The following RIOK2 variants were observed in gnomAD, a reference collection of about 807,000 sequenced individuals.
The protein encoded by RIOK2 is serine/threonine-protein kinase RIO2.
In RIOK2, 46 loss-of-function variants were observed where a neutral mutation model predicts 62.4. That is an observed-to-expected ratio of 0.74 (90% CI 0.58 to 0.94). RIOK2 has a LOEUF of 0.94. RIOK2 is among the 40% of genes least tolerant of loss of function. The pLI, the probability that RIOK2 is intolerant of heterozygous loss-of-function variation, is 0.00. For synonymous variants in RIOK2, 197 were observed against 216.0 expected, an observed-to-expected ratio of 0.91 and a Z score of 0.77; for missense variants, 574 against 658.0, an observed-to-expected ratio of 0.87 and a Z score of 1.40.
chr5:97,179,015 A>G lies in RIOK2; in HGVS notation c.205+40T>C, dbSNP rs1749259335. On this transcript the variant is annotated intron_variant, in intron 2 of 9. Coordinates refer to ENST00000283109, the MANE Select transcript of RIOK2 (RefSeq NM_018343.3). ...GGAACACTTGCTCTGGTGGAAACCAATTACCTGAAAAATCACAAATGGTGC... is the reference window on the plus strand; with the variant it reads ...GGAACACTTGCTCTGGTGGAAACCAGTTACCTGAAAAATCACAAATGGTGC... The G allele has an allele frequency of 9.3e-6, 15 of 1,612,494 alleles. No homozygotes were observed. The South Asian group carries it at 9.9e-5, about 11-fold the overall frequency.
At chr5:97,182,163 G>A (rs1195849353) in intron 1 of RIOK2, among the ~76,000 whole-genome samples, 1 of 151,596 alleles carries the variant, frequency 6.6e-6, no homozygotes, top group Non-Finnish European at 1.5e-5. Flanking sequence ...TAATTTCTGT[G>A]CCATAAGACT....
rs1554083518 is a variant in RIOK2, at chr5:97,179,993, A to ATATAT, written c.67-805_67-801dup. Among the ~76,000 whole-genome samples the ATATAT allele has an allele frequency of 3.3e-3, 158 of 48,186 alleles. 10 individuals carry two copies. The highest frequency in any genetic ancestry group is 0.015 in the African/African-American group (148 of 9,968). The allele number at this position is 48,186 out of a possible 152,430, so 31.6% of individuals were successfully genotyped here. ...TATATATATAATATATATATATAAA[A>ATATAT]TATATATATATTATATATATATAAT... On this transcript the variant is annotated intron_variant, in intron 1 of 9. Coordinates refer to ENST00000283109, the MANE Select transcript of RIOK2 (RefSeq NM_018343.3).
chr5:97,170,695 G>A (rs1748979070), intron 6 of RIOK2, among the ~76,000 whole-genome samples: 1 of 152,100 alleles, frequency 6.6e-6, no homozygotes, highest in Non-Finnish European at 1.5e-5. Flanking sequence ...AAATTCTTAT[G>A]GGGAAAACTC....
chr5:97,171,172 A>G, intron 6 of RIOK2, 34 bp downstream of exon 6: 2 of 1,325,848 alleles, frequency 1.5e-6, no homozygotes, highest in Non-Finnish European at 9.8e-7. Context: ...AAAAAATAAA[A>G]TAAAATAAAA....
chr5:97,165,995 A>T (rs1748833896), intron 8 of RIOK2, among the ~76,000 whole-genome samples: 1 of 152,220 alleles, frequency 6.6e-6, no homozygotes, highest in African/African-American at 2.4e-5. Context: ...GATGAGAACA[A>T]AAAGGCAAAG....
chr5:97,177,180 C>T lies in RIOK2; in HGVS notation c.434G>A (p.Arg145Lys), dbSNP rs145124399. 18 of 1,613,148 alleles carry T rather than the reference C, an allele frequency of 1.1e-5. No individual in the cohort carries two copies. The African/African-American group carries it at 2.3e-4, about 20-fold the overall frequency. Residue 145 changes from arginine to lysine, a missense_variant, in exon 4 of 10, where the codon AGG (arginine) becomes AAG (lysine). Arg to Lys is a conservative substitution (Grantham distance 26, BLOSUM62 2). Coordinates refer to ENST00000283109, the MANE Select transcript of RIOK2 (RefSeq NM_018343.3). ...LKNKRDYHKH[R>K]HNVSWLYLSR... ...TAAATATAGCCATGACACATTGTGC[C>T]TATGTTTATGATAATCGCGTTTGTT...
Position 97,165,101 on chromosome 5 carries a change from G to T in RIOK2, c.1444C>A (p.Leu482Met). Residue 482 changes from leucine (L) to methionine (M), a missense_variant, in exon 9 of 10, where the codon CTG (leucine) becomes ATG (methionine). Transcript: ENST00000283109. ...GCACTGCCTGAAGAAGTGATACTCA[G>T]AGTTCTTGTTCTATACTGATTCATA... ...GAMNQYRTRT[L>M]SITSSGSAVS... is the part of the protein sequence containing the mutation. 1.3e-6 allele frequency: 2 copies of T among 1,583,632 alleles called. No homozygotes were observed. Among genetic ancestry groups the T allele is most frequent in the South Asian group, 1.2e-5 (1 of 85,104 alleles).
At position 97,177,772 on chromosome 5, in the gene RIOK2, A is replaced by G. The variant is rs765799462; in HGVS notation, c.282T>C (p.Val94=). The G allele has an allele frequency of 6.2e-7, 1 of 1,613,316 alleles. No individual in the cohort carries two copies. Residue 94 remains valine, a synonymous_variant, in exon 3 of 10, where the codon GTT becomes GTC. Transcript: ENST00000283109. The part of the protein sequence containing the change: ...ALKTLSSRQV[V]ESVGNQMGVG... ...CACCCATCTGGTTTCCAACAGACTC[A>G]ACTACTTGCCTAGAAGAAAGTGTTT...
chr5:97,166,753 T>C, intron 8 of RIOK2: 1 of 985,820 alleles, frequency 1.0e-6, no homozygotes, highest in Non-Finnish European at 1.2e-6. Flanking sequence ...ATGTTTCATA[T>C]AGAAAGTACA....
At chr5:97,180,579 G>T (rs922082455) in intron 1 of RIOK2, among the ~76,000 whole-genome samples, 15 of 152,144 alleles carry the variant, frequency 9.9e-5, no homozygotes, top group African/African-American at 3.4e-4. Flanking sequence ...AGAGCAGGAA[G>T]CTCTTGAAGA....
intron 9 of RIOK2, among the ~76,000 whole-genome samples, chr5:97,163,545 G>A (rs1748759861): frequency 6.6e-6 from 1 of 152,136 alleles, no homozygotes; most frequent in African/African-American, 2.4e-5. Context: ...TTTTAGAGTA[G>A]ATTTTGTATA....
At position 97,173,168 on chromosome 5, in the gene RIOK2, T is replaced by C. The variant is rs1311392156; in HGVS notation, c.587+7A>G. The C allele has an allele frequency of 2.5e-6, 4 of 1,581,078 alleles. No homozygotes were observed. Among genetic ancestry groups the C allele is most frequent in the East Asian group, 2.2e-5 (1 of 44,544 alleles). ...GATTCATGGCTTTAAGAATAATGAA[T>C]ACTTACAGTGGATAACCATTTATGA... On this transcript the variant is annotated splice_region_variant and intron_variant, in intron 5 of 9. Transcript: ENST00000283109.
Position 97,167,532 on chromosome 5 carries a change from C to A in RIOK2, c.1332G>T (p.Glu444Asp). ...VQGGVPAGSD[E>D]YEDECPHLIA... Reference sequence around the variant, plus strand: ...TTAGATGAGGGCATTCATCTTCATACTCGTCAGAGCCAGCAGGGACTCCTC... The same window carrying A: ...TTAGATGAGGGCATTCATCTTCATAATCGTCAGAGCCAGCAGGGACTCCTC... The change falls in exon 8 of 10, where the codon GAG (glutamate) becomes GAT (aspartate). Residue 444 changes from glutamate (E) to aspartate (D), a missense_variant. Glu to Asp is a conservative substitution (Grantham distance 45, BLOSUM62 2). Coordinates refer to ENST00000283109, the MANE Select transcript of RIOK2 (RefSeq NM_018343.3). 6.2e-7 allele frequency: 1 copy of A among 1,614,200 alleles called. No individual in the cohort carries two copies. Among genetic ancestry groups the A allele is most frequent in the Non-Finnish European group, 8.5e-7 (1 of 1,180,016 alleles).
intron 1 of RIOK2, among the ~76,000 whole-genome samples, chr5:97,180,122 A>ATATGTGTATATATATATATG (rs1320460075): frequency 1.7e-3 from 69 of 40,048 alleles, no homozygotes; most frequent in Middle Eastern, 0.012. Flanking sequence ...CTGCATGTGT[A>ATATGTGTATATATATATATG]TATGTATATA....
intron 2 of RIOK2, 87 bp from the exon 3 acceptor site, chr5:97,177,935 C>A: frequency 1.3e-6 from 1 of 782,238 alleles, no homozygotes; most frequent in Non-Finnish European, 2.1e-6. Context: ...AAAGATTTAA[C>A]AATAAAGTCT....
chr5:97,171,142 C>A, intron 6 of RIOK2, 64 bp downstream of exon 6: 1 of 1,186,916 alleles, frequency 8.4e-7, no homozygotes, highest in Non-Finnish European at 1.1e-6. Flanking sequence ...GCTTGGGCAA[C>A]AAGCAAAACT....
At chr5:97,183,038 C>G in intron 1 of RIOK2, 88 bp downstream of exon 1, 1 of 1,385,474 alleles carries the variant, frequency 7.2e-7, no homozygotes, top group Non-Finnish European at 1.0e-6. Flanking sequence ...CCAGAGTGTG[C>G]CTGCTCAGAT....
intron 7 of RIOK2, 105 bp downstream of exon 7, chr5:97,168,655 G>A (rs771868027): frequency 1.7e-4 from 109 of 635,710 alleles, no homozygotes; most frequent in Non-Finnish European, 2.7e-4. Flanking sequence ...CAGTGATTAC[G>A]TGTCAAAATT....
chr5:97,173,077 G>T, intron 5 of RIOK2, 98 bp downstream of exon 5: 1 of 755,570 alleles, frequency 1.3e-6, no homozygotes, highest in Non-Finnish European at 2.1e-6. Flanking sequence ...TAACCTCCCA[G>T]AGGCAATATT....
Sources: gnomAD v4.1 joint callset for allele counts (sites outside exome capture counted in the v4.1 genomes callset) on GRCh38, gnomAD v4.1.1 for gene constraint, MANE v1.5 for transcripts, NCBI Gene and HGNC (gene_info 2026-07-23, HGNC 2026-07-21) for gene names.